DDX47: variants seen among roughly 807,000 people sequenced by gnomAD.
DDX47 encodes the protein DEAD-box helicase 47.
In DDX47, 60 loss-of-function variants were observed where a neutral mutation model predicts 58.8. The observed-to-expected ratio is 1.02, with a 90% CI of 0.83 to 1.26. The LOEUF is 1.26. DDX47 is among the 50% of genes most tolerant of loss of function. The probability of loss-of-function intolerance (pLI) is 0.00; values close to 1 mark genes in which losing one functional copy is unlikely to be tolerated. For missense variants in DDX47, 530 were observed against 573.2 expected, an observed-to-expected ratio of 0.92 and a Z score of 0.77; for synonymous variants, 197 against 204.6, an observed-to-expected ratio of 0.96 and a Z score of 0.32.
intron 8 of DDX47, 40 bp downstream of exon 8, chr12:12,824,056 G>T: frequency 6.3e-7 from 1 of 1,596,706 alleles, no homozygotes; most frequent in Non-Finnish European, 8.5e-7. Context: ...CACTGGTGGC[G>T]TGAGCGAGAT....
In DDX47 at chr12:12,813,459, G is replaced by A; in HGVS notation, c.87+5G>A. The A allele has an allele frequency of 4.4e-6, 7 of 1,605,680 alleles. No homozygotes were observed. Among genetic ancestry groups the A allele is most frequent in the Non-Finnish European group, 6.0e-6 (7 of 1,175,906 alleles). On this transcript the variant is annotated splice_donor_5th_base_variant and intron_variant, in intron 1 of 11. Coordinates refer to ENST00000358007, the MANE Select transcript of DDX47 (RefSeq NM_016355.4). The stretch of plus-strand genomic sequence containing the variant: ...ACTAAAACATTTAAAGACCTGGTGA[G>A]AATGGATGACGCTGGCTTCTTTTAT...
rs141452017 is a variant in DDX47 at position 12,822,708 on chromosome 12, C to T, written c.609C>T (p.Leu203=). Residue 203 remains leucine (L), a synonymous_variant, in exon 6 of 12, where the codon CTC becomes CTT. Transcript: ENST00000358007. ...KVIPRDRKTF[L]FSATMTKKVQ... ...TTCCTCGAGATCGGAAAACATTCCT[C>T]TTCTCTGCCACCATGACCAAGAAGG... The T allele has an allele frequency of 4.2e-5, 68 of 1,614,028 alleles. No individual in the cohort carries two copies. The African/African-American group carries it at 8.0e-4, about 19-fold the overall frequency.
chr12:12,829,459 C>T lies in DDX47; in HGVS notation c.1273C>T (p.Arg425Ter), dbSNP rs745805168. ...REHGEKKKRS[R>*]EDAGDNDDTE... is the part of the protein sequence containing the mutation. ...GCATGGAGAAAAGAAGAAACGCTCG[C>T]GAGAGGATGCTGGAGATAATGATGA... is the stretch of plus-strand genomic sequence containing the variant. The change falls in exon 12 of 12, where the codon CGA (arginine) becomes TGA (stop). Residue 425 changes from arginine (R) to a stop codon, truncating the protein, a stop_gained. Transcript: ENST00000358007. LOFTEE classifies it high-confidence loss of function. 6 of 1,612,864 alleles carry T rather than the reference C, an allele frequency of 3.7e-6. No homozygotes were observed. The highest frequency in any genetic ancestry group is 5.1e-6 in the Non-Finnish European group (6 of 1,179,522).
At position 12,822,538 on chromosome 12, in the gene DDX47, G is replaced by A. The variant is rs1170843474; in HGVS notation, c.562-123G>A. The A allele has an allele frequency of 1.2e-5, 9 of 720,364 alleles. No individual in the cohort carries two copies. The East Asian group carries it at 1.6e-4, about 13-fold the overall frequency. The allele number at this position is 720,364 out of a possible 1,614,324, so 44.6% of individuals were successfully genotyped here. On this transcript the variant is annotated intron_variant, in intron 5 of 11. Coordinates refer to ENST00000358007, the MANE Select transcript of DDX47 (RefSeq NM_016355.4). The stretch of plus-strand genomic sequence containing the variant: ...TTTAGCTGAATCAAATTGAATTTTC[G>A]AGTCCCAAATCTTCACAGTGATATA...
intron 1 of DDX47, among the ~76,000 whole-genome samples, chr12:12,813,746 C>T (rs1287379056): frequency 1.3e-5 from 2 of 152,198 alleles, no homozygotes; most frequent in African/African-American, 4.8e-5. Context: ...CTCTTTATAA[C>T]TGGAGCTTTG....
chr12:12,824,058 G>A (rs1334570812), intron 8 of DDX47, 42 bp downstream of exon 8: 1 of 1,594,300 alleles, frequency 6.3e-7, no homozygotes, highest in Non-Finnish European at 8.5e-7. Context: ...CTGGTGGCGT[G>A]AGCGAGATAA....
At chr12:12,816,739 A>G (rs1001121300) in intron 2 of DDX47, among the ~76,000 whole-genome samples, 1 of 152,220 alleles carries the variant, frequency 6.6e-6, no homozygotes, top group Non-Finnish European at 1.5e-5. Flanking sequence ...AAACACTTCA[A>G]ACTTGTGCAG....
chr12:12,823,168 G>A (rs571100746), intron 6 of DDX47, 35 bp from the exon 7 acceptor site: 1 of 1,262,818 alleles, frequency 7.9e-7, no homozygotes, highest in South Asian at 1.2e-5. Context: ...GAGTGTTTAG[G>A]CATCAGTGTG....
chr12:12,823,201 A>G lies in DDX47; in HGVS notation c.634-2A>G. 3 of 1,600,072 alleles carry G rather than the reference A, an allele frequency of 1.9e-6. No homozygotes were observed. The highest frequency in any genetic ancestry group is 2.6e-6 in the Non-Finnish European group (3 of 1,167,222). On this transcript the variant is annotated splice_acceptor_variant, in intron 6 of 11. Transcript: ENST00000358007. LOFTEE classifies it high-confidence loss of function. ...GTGCTATTCTGGATCTTCTTCCTTC[A>G]GGTTCAAAAACTTCAGCGAGCAGCT... is the stretch of plus-strand genomic sequence containing the variant.
intron 2 of DDX47, among the ~76,000 whole-genome samples, chr12:12,817,989 T>C (rs1337864488): frequency 6.6e-6 from 1 of 152,196 alleles, no homozygotes; most frequent in African/African-American, 2.4e-5. Flanking sequence ...CAAATCCTAG[T>C]TCCCCCGCCT....
chr12:12,824,080 G>A (rs1174052063), intron 8 of DDX47, 64 bp downstream of exon 8: 7 of 1,559,106 alleles, frequency 4.5e-6, no homozygotes, highest in Non-Finnish European at 6.1e-6. Context: ...CCTCCTAACA[G>A]TAGGTTTGTA....
At chr12:12,827,872 TTTTC>T (rs1479521802) in intron 11 of DDX47, among the ~76,000 whole-genome samples, 12 of 139,022 alleles carry the variant, frequency 8.6e-5, no homozygotes, top group Non-Finnish European at 1.1e-4. Flanking sequence ...AACTTTTCTT[TTTTC>T]TTTTTTTTTT....
chr12:12,824,876 C>T, intron 9 of DDX47, 199 bp downstream of exon 9: 3 of 486,748 alleles, frequency 6.2e-6, no homozygotes, highest in South Asian at 3.9e-5. Flanking sequence ...AAAGAGGTAG[C>T]CAAGGAGAGT....
chr12:12,822,155 A>G (rs1862984547), intron 5 of DDX47, 72 bp downstream of exon 5: 3 of 957,446 alleles, frequency 3.1e-6, no homozygotes, highest in African/African-American at 3.2e-5. Context: ...TTCATTGCCC[A>G]CTTGTTTCAT....
chr12:12,821,621 G>A, intron 3 of DDX47, 34 bp from the exon 4 acceptor site: 9 of 1,598,386 alleles, frequency 5.6e-6, no homozygotes, highest in Non-Finnish European at 7.7e-6. Flanking sequence ...AAAAAATTAA[G>A]GATCTCGTCT....
intron 1 of DDX47, 33 bp downstream of exon 1, chr12:12,813,487 A>T (rs553817494): frequency 4.5e-6 from 7 of 1,566,446 alleles, no homozygotes; most frequent in Non-Finnish European, 6.1e-6. Flanking sequence ...TCTTTTATGT[A>T]CTCTGGTGCT....
chr12:12,814,981 C>T (rs753263752), intron 2 of DDX47, among the ~76,000 whole-genome samples: 1 of 152,124 alleles, frequency 6.6e-6, no homozygotes, highest in Non-Finnish European at 1.5e-5. Flanking sequence ...CTGGCTGTAA[C>T]AGGATGAACT....
At chr12:12,822,873 C>A in intron 6 of DDX47, 141 bp downstream of exon 6, 1 of 737,036 alleles carries the variant, frequency 1.4e-6, no homozygotes, top group Non-Finnish European at 2.3e-6. Flanking sequence ...GTAATTTATA[C>A]AGAAAAGAGG....
At chr12:12,814,327 T>C (rs1245241577) in intron 2 of DDX47, 103 bp downstream of exon 2, 3 of 778,786 alleles carry the variant, frequency 3.9e-6, no homozygotes, top group Middle Eastern at 4.7e-4. Flanking sequence ...AAGGATATGG[T>C]CACTAAAGGT....
Sources: gnomAD v4.1 joint callset for allele counts (sites outside exome capture counted in the v4.1 genomes callset) on GRCh38, gnomAD v4.1.1 for gene constraint, MANE v1.5 for transcripts, NCBI Gene and HGNC (gene_info 2026-07-23, HGNC 2026-07-21) for gene names.